The following CSMD3 variants were observed in gnomAD, a reference collection of about 807,000 sequenced individuals.
CSMD3 encodes CUB and sushi domain-containing protein 3.
In CSMD3, 177 loss-of-function variants were observed where a neutral mutation model predicts 435.2. That is an observed-to-expected ratio of 0.41 (90% CI 0.36 to 0.46). CSMD3 has a LOEUF of 0.46. Among genes scored for constraint, CSMD3 ranks in the 20% least tolerant of loss-of-function variants. The pLI is 0.34. For missense variants in CSMD3, 4,265 were observed against 4,504.6 expected, an observed-to-expected ratio of 0.95 and a Z score of 1.52; for synonymous variants, 1,656 against 1,520.5, an observed-to-expected ratio of 1.09 and a Z score of -2.07.
chr8:112,542,492 C>A (rs554020126), intron 27 of CSMD3, among the ~76,000 whole-genome samples: 1 of 151,816 alleles, frequency 6.6e-6, no homozygotes, highest in African/African-American at 2.4e-5. Flanking sequence ...ATACAAAAAT[C>A]AATTGTGTTT....
intron 58 of CSMD3, among the ~76,000 whole-genome samples, chr8:112,285,923 G>GTCC (rs1249699337): frequency 6.6e-6 from 1 of 151,564 alleles, no homozygotes; most frequent in Non-Finnish European, 1.5e-5. Flanking sequence ...CTCAGGCTGG[G>GTCC]TCCTACTCAG....
intron 3 of CSMD3, among the ~76,000 whole-genome samples, chr8:113,264,874 A>G (rs1348355503): frequency 6.6e-6 from 1 of 151,686 alleles, no homozygotes; most frequent in African/African-American, 2.4e-5. Flanking sequence ...GAGATGTATT[A>G]AACCATTCCT....
intron 12 of CSMD3, among the ~76,000 whole-genome samples, chr8:112,826,088 G>A (rs528430433): frequency 5.3e-5 from 8 of 152,184 alleles, no homozygotes; most frequent in African/African-American, 1.9e-4. Context: ...GGATGGGTCA[G>A]GTTCAGGTCT....
intron 22 of CSMD3, among the ~76,000 whole-genome samples, chr8:112,605,481 A>G (rs1832717286): frequency 6.6e-6 from 1 of 152,180 alleles, no homozygotes; most frequent in African/African-American, 2.4e-5. Flanking sequence ...CTGCAACAAC[A>G]TGGAAAGACC....
intron 4 of CSMD3, among the ~76,000 whole-genome samples, chr8:113,115,346 GA>G (rs2090789758): frequency 1.3e-5 from 2 of 152,250 alleles, no homozygotes; most frequent in South Asian, 4.1e-4. Flanking sequence ...ACTTCTAAGT[GA>G]ATAGCTTGAT....
At chr8:113,353,672 C>A (rs1004556818) in intron 1 of CSMD3, among the ~76,000 whole-genome samples, 2 of 152,098 alleles carry the variant, frequency 1.3e-5, no homozygotes, top group Admixed American at 6.6e-5. Flanking sequence ...TGCACAGTGA[C>A]CTTTTATGAG....
At chr8:112,834,156 TTTAAA>T (rs1279263370) in intron 11 of CSMD3, among the ~76,000 whole-genome samples, 1 of 151,950 alleles carries the variant, frequency 6.6e-6, no homozygotes, top group Admixed American at 6.6e-5. Context: ...TCTATCTCAC[TTTAAA>T]TTAAGTGATG....
intron 35 of CSMD3, among the ~76,000 whole-genome samples, chr8:112,405,497 A>G (rs1396148750): frequency 4.6e-5 from 7 of 151,322 alleles, no homozygotes; most frequent in African/African-American, 7.3e-5. Flanking sequence ...AAGCGTCATT[A>G]TAATTACCCT....
At chr8:113,402,600 T>C (rs1425047467) in intron 1 of CSMD3, among the ~76,000 whole-genome samples, 1 of 151,296 alleles carries the variant, frequency 6.6e-6, no homozygotes, top group Non-Finnish European at 1.5e-5. Context: ...CTAATCTTAT[T>C]TAATATCATC....
chr8:113,150,344 C>T (rs1479598808), intron 4 of CSMD3, among the ~76,000 whole-genome samples: 2 of 151,906 alleles, frequency 1.3e-5, no homozygotes, highest in African/African-American at 4.8e-5. Flanking sequence ...AGAAGTGATA[C>T]TATGCAGCAG....
chr8:113,267,572 T>C (rs118138964), intron 3 of CSMD3, among the ~76,000 whole-genome samples: 4,489 of 151,508 alleles, frequency 0.03, 87 homozygotes, highest in Non-Finnish European at 0.04. Context: ...GGTGGGAAGA[T>C]AGAAAACAGA....
chr8:113,010,646 G>T lies in CSMD3; in HGVS notation c.1030+8421C>A, dbSNP rs1255132867. Among the ~76,000 whole-genome samples, 4 of 151,662 alleles carry T rather than the reference G, an allele frequency of 2.6e-5. No individual in the cohort carries two copies. The South Asian group carries it at 8.3e-4, about 31-fold the overall frequency. On this transcript the variant is annotated intron_variant, in intron 6 of 70. Transcript: ENST00000297405. Reference sequence around the variant, plus strand: ...ATGTGGATTTTTACAAATTCCATGAGATCATAACATGAGGCTATTATAATT... The same window carrying T: ...ATGTGGATTTTTACAAATTCCATGATATCATAACATGAGGCTATTATAATT...
chr8:113,399,555 T>C (rs538820150), intron 1 of CSMD3, among the ~76,000 whole-genome samples: 5 of 151,938 alleles, frequency 3.3e-5, no homozygotes, highest in African/African-American at 9.6e-5. Flanking sequence ...CAAAAGATTA[T>C]ATATTTTATG....
intron 5 of CSMD3, among the ~76,000 whole-genome samples, chr8:113,076,798 T>C (rs1422406162): frequency 1.3e-5 from 2 of 152,092 alleles, no homozygotes; most frequent in African/African-American, 2.4e-5. Context: ...TTTTATTGTA[T>C]GGTAAAGTCA....
intron 23 of CSMD3, among the ~76,000 whole-genome samples, chr8:112,584,822 A>G (rs547587824): frequency 2.3e-3 from 351 of 151,388 alleles, no homozygotes; most frequent in African/African-American, 8.1e-3. Context: ...ATAGGGATCT[A>G]ACTGACTCCA....
intron 5 of CSMD3, among the ~76,000 whole-genome samples, chr8:113,096,687 C>G (rs1469110945): frequency 6.6e-6 from 1 of 152,014 alleles, no homozygotes; most frequent in African/African-American, 2.4e-5. Flanking sequence ...TTCTTTCCCT[C>G]CTACTGCCTT....
intron 5 of CSMD3, among the ~76,000 whole-genome samples, chr8:113,076,629 C>T (rs1327680670): frequency 6.6e-6 from 1 of 151,970 alleles, no homozygotes; most frequent in East Asian, 1.9e-4. Context: ...GCTTTTTCTT[C>T]ATAAAAACAT....
At chr8:112,436,204 C>T (rs186057551) in intron 32 of CSMD3, among the ~76,000 whole-genome samples, 129 of 151,970 alleles carry the variant, frequency 8.5e-4, no homozygotes, top group Non-Finnish European at 1.2e-3. Flanking sequence ...TCCTAAATGG[C>T]TTATCCTATC....
At chr8:112,339,352 C>T (rs1372719182) in intron 42 of CSMD3, among the ~76,000 whole-genome samples, 2 of 151,960 alleles carry the variant, frequency 1.3e-5, no homozygotes, top group East Asian at 1.9e-4. Flanking sequence ...AGACTGATTG[C>T]GGGCTACCAC....
Sources: gnomAD v4.1 joint callset for allele counts (sites outside exome capture counted in the v4.1 genomes callset) on GRCh38, gnomAD v4.1.1 for gene constraint, MANE v1.5 for transcripts, NCBI Gene and HGNC (gene_info 2026-07-23, HGNC 2026-07-21) for gene names.